Variants in CTTNBP2NL observed in about 807,000 individuals in gnomAD.
CTTNBP2NL encodes CTTNBP2 N-terminal like.
CTTNBP2NL carries 16 observed loss-of-function variants against 32.5 expected under a neutral mutation model. The observed-to-expected ratio is 0.49, with a 90% CI of 0.33 to 0.75. The LOEUF (loss-of-function observed/expected upper bound fraction) is 0.75. CTTNBP2NL is among the 30% of genes least tolerant of loss of function. The probability of loss-of-function intolerance (pLI) is 0.02; values close to 1 mark genes in which losing one functional copy is unlikely to be tolerated. For missense variants in CTTNBP2NL, 645 were observed against 756.0 expected (o/e 0.85, Z 1.72); for synonymous variants, 298 against 289.4 (o/e 1.03, Z -0.30).
Position 112,449,038 on chromosome 1 carries a change from G to A in CTTNBP2NL, c.196G>A (p.Glu66Lys), listed in dbSNP as rs777958874. Residue 66 changes from glutamate (E) to lysine (K), a missense_variant, in exon 4 of 6, where the codon GAG (glutamate) becomes AAG (lysine). Physicochemically the swap from Glu to Lys is moderately conservative, Grantham distance 56. Coordinates refer to ENST00000271277, the MANE Select transcript of CTTNBP2NL (RefSeq NM_018704.3). ...ACAGAGAGATTTTGAAACACTGAAG[G>A]AGAAAAATGATGGCGAAAAGCAGCC... ...ALQRDFETLK[E>K]KNDGEKQPVC... The A allele has an allele frequency of 1.1e-5, 18 of 1,612,434 alleles. No individual in the cohort carries two copies. In the South Asian group the frequency reaches 2.0e-4, roughly 18 times the overall value.
intron 1 of CTTNBP2NL, among the ~76,000 whole-genome samples, chr1:112,397,208 A>G (rs918090413): frequency 5.3e-5 from 8 of 152,244 alleles, no homozygotes; most frequent in Non-Finnish European, 1.0e-4. Flanking sequence ...GAAACAGTAT[A>G]CATAAGTAAA....
At chr1:112,454,703 C>T in intron 5 of CTTNBP2NL, 147 bp downstream of exon 5, 1 of 660,790 alleles carries the variant, frequency 1.5e-6, no homozygotes, top group Non-Finnish European at 2.7e-6. Context: ...CAAAGTTAAA[C>T]AGGTTTCTAA....
chr1:112,438,241 C>T (rs187363492), intron 3 of CTTNBP2NL, among the ~76,000 whole-genome samples: 25 of 152,218 alleles, frequency 1.6e-4, no homozygotes, highest in Non-Finnish European at 2.6e-4. Context: ...TTGTAATTCT[C>T]ATTGTAGAGA....
At chr1:112,451,014 G>A (rs1650200208) in intron 4 of CTTNBP2NL, among the ~76,000 whole-genome samples, 1 of 151,958 alleles carries the variant, frequency 6.6e-6, no homozygotes, top group African/African-American at 2.4e-5. Flanking sequence ...TGTCAGAAAT[G>A]TTCTGGTTTG....
Position 112,457,409 on chromosome 1 carries a change from C to G in CTTNBP2NL, c.1917C>G (p.Ser639Arg), listed in dbSNP as rs557995836. ...TTGAGTTACTTTTGCCTACCAGCAG[C>G]TAGTCCCTAGGAGGGAGTCTCCACG... Reference protein sequence around the residue: ...KDVELLLPTSS With the variant: ...KDVELLLPTSR The change falls in exon 6 of 6, where the codon AGC becomes AGG. Residue 639 changes from serine to arginine, a missense_variant. Coordinates refer to ENST00000271277, the MANE Select transcript of CTTNBP2NL (RefSeq NM_018704.3). 8 of 1,608,340 alleles carry G rather than the reference C, an allele frequency of 5.0e-6. No homozygotes were observed. The highest frequency in any genetic ancestry group is 6.8e-6 in the Non-Finnish European group (8 of 1,176,604).
chr1:112,411,327 A>G (rs1352336688), intron 1 of CTTNBP2NL, among the ~76,000 whole-genome samples: 8 of 152,254 alleles, frequency 5.3e-5, no homozygotes. Context: ...ATTACATTTT[A>G]TCAAATAAAA....
chr1:112,423,416 C>T (rs531720271), intron 3 of CTTNBP2NL, among the ~76,000 whole-genome samples: 23 of 152,128 alleles, frequency 1.5e-4, no homozygotes, highest in African/African-American at 5.3e-4. Flanking sequence ...TGTTAATTAG[C>T]TCGATTTTGC....
At chr1:112,449,457 A>G (rs999533804) in intron 4 of CTTNBP2NL, among the ~76,000 whole-genome samples, 5 of 149,276 alleles carry the variant, frequency 3.3e-5, no homozygotes, top group African/African-American at 4.9e-5. Flanking sequence ...TGATCATTCA[A>G]ACTTTGGGGT....
At chr1:112,419,105 C>G (rs754507202) in intron 3 of CTTNBP2NL, among the ~76,000 whole-genome samples, 7 of 152,084 alleles carry the variant, frequency 4.6e-5, no homozygotes, top group Non-Finnish European at 8.8e-5. Flanking sequence ...TCCATTGATG[C>G]CTCAATCATA....
At chr1:112,447,045 C>T (rs1025713313) in intron 3 of CTTNBP2NL, among the ~76,000 whole-genome samples, 20 of 151,970 alleles carry the variant, frequency 1.3e-4, no homozygotes, top group Non-Finnish European at 2.4e-4. Context: ...GAGGCCAAGG[C>T]GGGTGGATCA....
In CTTNBP2NL at chr1:112,447,576, A is replaced by G. The variant is rs184884962; in HGVS notation, c.100-1366A>G. 9.9e-5 allele frequency among the ~76,000 whole-genome samples: 15 copies of G among 152,216 alleles called. No homozygotes were observed. The East Asian group carries it at 2.7e-3, about 27-fold the overall frequency. On this transcript the variant is annotated intron_variant, in intron 3 of 5. Coordinates refer to ENST00000271277, the MANE Select transcript of CTTNBP2NL (RefSeq NM_018704.3). ...TAAAATTTTACCATAAGGCTAAGTG[A>G]TTCCTGGGGCCTAAATTGGACAGTC...
chr1:112,405,383 C>T (rs1330216222), intron 1 of CTTNBP2NL, among the ~76,000 whole-genome samples: 1 of 152,102 alleles, frequency 6.6e-6, no homozygotes, highest in African/African-American at 2.4e-5. Context: ...CTGCAACCTC[C>T]ACCTCCTGGG....
intron 4 of CTTNBP2NL, among the ~76,000 whole-genome samples, chr1:112,449,753 T>TGTGTGTGTG (rs58369949): frequency 0.1 from 2,579 of 25,408 alleles, 55 homozygotes; most frequent in Middle Eastern, 0.26. Flanking sequence ...TGTGTGTGTG[T>TGTGTGTGTG]TTTCCATATT....
chr1:112,421,904 A>T (rs1468156470), intron 3 of CTTNBP2NL, among the ~76,000 whole-genome samples: 1 of 151,918 alleles, frequency 6.6e-6, no homozygotes, highest in African/African-American at 2.4e-5. Context: ...TTCGTAGCAG[A>T]TTTTTTTTCA....
chr1:112,454,584 G>T, intron 5 of CTTNBP2NL, 28 bp downstream of exon 5: 1 of 1,458,488 alleles, frequency 6.9e-7, no homozygotes, highest in South Asian at 1.1e-5. Context: ...ATTCACAGTA[G>T]CATTTGCCTG....
At position 112,461,112 on chromosome 1, in the gene CTTNBP2NL, A is replaced by G. The variant is rs369990210; in HGVS notation, c.*3700A>G. On this transcript the variant is annotated 3_prime_UTR_variant, in exon 6 of 6. Coordinates refer to ENST00000271277, the MANE Select transcript of CTTNBP2NL (RefSeq NM_018704.3). ...AGAAATGAGAGCCTGTCCACCCACCATTTGTGTATCAGTGGCCAATTCATT... is the reference window on the plus strand; with the variant it reads ...AGAAATGAGAGCCTGTCCACCCACCGTTTGTGTATCAGTGGCCAATTCATT... 42 of 152,298 alleles carry G rather than the reference A, an allele frequency of 2.8e-4. No individual in the cohort carries two copies. The highest frequency in any genetic ancestry group is 9.1e-4 in the African/African-American group (38 of 41,562). 9.4% of individuals were successfully genotyped at this position (152,298 alleles called of 1,614,324 possible).
chr1:112,434,183 TG>T (rs1011844547), intron 3 of CTTNBP2NL, among the ~76,000 whole-genome samples: 1 of 152,240 alleles, frequency 6.6e-6, no homozygotes, highest in African/African-American at 2.4e-5. Context: ...TCAGTTTTAT[TG>T]GTTTCTATGG....
Position 112,406,183 on chromosome 1 carries a change from C to CA in CTTNBP2NL, c.-133-5998dup, listed in dbSNP as rs768573866. 8.6e-3 allele frequency among the ~76,000 whole-genome samples: 1,072 copies of CA among 124,604 alleles called. 5 individuals carry two copies. Among genetic ancestry groups the CA allele is most frequent in the African/African-American group, 0.018 (621 of 33,978 alleles). The allele number at this position is 124,604 out of a possible 152,430, so 81.7% of individuals were successfully genotyped here. A position where few individuals can be genotyped will look rare whatever the true frequency, so the allele number is the denominator to read the frequency against. ...TGGGTGACAAAGTGAGACTCCGTCT[C>CA]AAAAAAAAAAAAACGTGTGCTAGAC... On this transcript the variant is annotated intron_variant, in intron 1 of 5. Transcript: ENST00000271277.
intron 3 of CTTNBP2NL, among the ~76,000 whole-genome samples, chr1:112,440,734 C>T (rs1649869813): frequency 6.6e-6 from 1 of 152,166 alleles, no homozygotes; most frequent in African/African-American, 2.4e-5. Flanking sequence ...TATTGTTCTT[C>T]ACTACTTAAT....
Sources: gnomAD v4.1 joint callset for allele counts (sites outside exome capture counted in the v4.1 genomes callset) on GRCh38, gnomAD v4.1.1 for gene constraint, MANE v1.5 for transcripts, NCBI Gene and HGNC (gene_info 2026-07-23, HGNC 2026-07-21) for gene names.